Variants in ANO1 observed in about 807,000 individuals in gnomAD.
ANO1 encodes the protein anoctamin-1.
ANO1 carries 59 observed loss-of-function variants against 124.0 expected under a neutral mutation model. The ratio of observed to expected loss-of-function variants is 0.48; its 90% confidence interval spans 0.39 to 0.59. The LOEUF (loss-of-function observed/expected upper bound fraction) is 0.59. Among genes scored for constraint, ANO1 ranks in the 20% least tolerant of loss-of-function variants. The pLI, the probability that ANO1 is intolerant of heterozygous loss-of-function variation, is 0.00. For missense variants in ANO1, 1,059 were observed against 1,328.0 expected (o/e 0.80, Z 3.15); for synonymous variants, 529 against 532.0 (o/e 0.99, Z 0.08).
chr11:70,102,999 G>T, intron 2 of ANO1, 67 bp from the exon 3 acceptor site: 1 of 1,166,110 alleles, frequency 8.6e-7, no homozygotes, highest in Non-Finnish European at 1.2e-6. Context: ...GGCCTCTGAA[G>T]ATCAAGGTGG....
intron 21 of ANO1, among the ~76,000 whole-genome samples, chr11:70,169,549 G>A (rs1256550380): frequency 2.0e-5 from 3 of 151,674 alleles, no homozygotes; most frequent in Non-Finnish European, 4.4e-5. Flanking sequence ...TCGGAAGTGA[G>A]GAAGCCCACC....
chr11:70,083,711 CA>C (rs1231808200), intron 1 of ANO1, among the ~76,000 whole-genome samples: 2 of 152,306 alleles, frequency 1.3e-5, no homozygotes, highest in East Asian at 3.9e-4. Flanking sequence ...CCCTGCCAAC[CA>C]GGAGTGTTTA....
At chr11:70,021,476 T>G (rs1201167251) in intron 1 of ANO1, among the ~76,000 whole-genome samples, 3 of 130,830 alleles carry the variant, frequency 2.3e-5, no homozygotes, top group African/African-American at 7.8e-5. Flanking sequence ...TGTTGTTGTT[T>G]CTTTTTTTTT....
chr11:70,089,144 G>T lies in ANO1; in HGVS notation c.441+1060G>T, dbSNP rs556059979. Among the ~76,000 whole-genome samples, 6 of 152,266 alleles carry T rather than the reference G, an allele frequency of 3.9e-5. No homozygotes were observed. In the East Asian group the frequency reaches 1.2e-3, roughly 29 times the overall value. ...TCCTTCCATGAATATTGGGTGAAGG[G>T]CCCCAGCCTACAGAGCCATCACTGT... On this transcript the variant is annotated intron_variant, in intron 2 of 25. Transcript: ENST00000355303.
At chr11:70,026,175 T>G (rs1856903270) in intron 1 of ANO1, among the ~76,000 whole-genome samples, 1 of 151,168 alleles carries the variant, frequency 6.6e-6, no homozygotes, top group African/African-American at 2.4e-5. Context: ...ATGATGGTGG[T>G]GGTGGTGATG....
intron 22 of ANO1, among the ~76,000 whole-genome samples, chr11:70,178,285 A>T (rs2048803968): frequency 2.0e-5 from 3 of 152,214 alleles, no homozygotes; most frequent in Non-Finnish European, 4.4e-5. Context: ...GGGCTGTGCC[A>T]TCCAACCCTC....
rs1348003445 is a variant in ANO1, at chr11:70,188,854, A to AG, written c.*854dup. 2 of 146,350 alleles carry AG rather than the reference A, an allele frequency of 1.4e-5. No individual in the cohort carries two copies. The highest frequency in any genetic ancestry group is 5.1e-5 in the African/African-American group (2 of 39,470). 9.1% of individuals were successfully genotyped at this position (146,350 alleles called of 1,614,324 possible). On this transcript the variant is annotated 3_prime_UTR_variant, in exon 26 of 26. Coordinates refer to ENST00000355303, the MANE Select transcript of ANO1 (RefSeq NM_018043.7). Reference sequence around the variant, plus strand: ...GGTTTCAAGAAGTCTTAGGGCTTCCAGGGGTCCCCTGGAAGCTTTAGAATA... The same window carrying AG: ...GGTTTCAAGAAGTCTTAGGGCTTCCAGGGGGTCCCCTGGAAGCTTTAGAATA...
At chr11:70,116,255 C>T (rs1218066249) in intron 7 of ANO1, among the ~76,000 whole-genome samples, 4 of 152,182 alleles carry the variant, frequency 2.6e-5, no homozygotes, top group Non-Finnish European at 5.9e-5. Flanking sequence ...AACAGGGCGG[C>T]CAACAGGGAC....
intron 1 of ANO1, among the ~76,000 whole-genome samples, chr11:70,046,267 T>G (rs1857258378): frequency 6.6e-6 from 1 of 152,202 alleles, no homozygotes; most frequent in African/African-American, 2.4e-5. Context: ...CTCTTTTTAT[T>G]TATTCAAGCA....
intron 11 of ANO1, among the ~76,000 whole-genome samples, chr11:70,139,432 T>A (rs1167167825): frequency 6.6e-6 from 1 of 152,208 alleles, no homozygotes; most frequent in African/African-American, 2.4e-5. Context: ...CAAGCGATTC[T>A]CCTGCCTCAG....
intron 1 of ANO1, among the ~76,000 whole-genome samples, chr11:69,990,946 T>A (rs575386921): frequency 1.3e-5 from 2 of 152,346 alleles, no homozygotes; most frequent in East Asian, 3.9e-4. Flanking sequence ...TGTCCTTTGA[T>A]GTACAAAATT....
intron 1 of ANO1, among the ~76,000 whole-genome samples, chr11:70,070,900 C>T (rs1317287761): frequency 6.6e-6 from 1 of 152,216 alleles, no homozygotes; most frequent in Non-Finnish European, 1.5e-5. Context: ...CCCAGAACTG[C>T]TCGTGGAGGG....
chr11:70,039,465 C>T (rs1857147227), intron 1 of ANO1, among the ~76,000 whole-genome samples: 1 of 152,164 alleles, frequency 6.6e-6, no homozygotes, highest in Non-Finnish European at 1.5e-5. Flanking sequence ...CTCTTTATCC[C>T]TTGAAGGACT....
At chr11:70,098,243 C>T (rs2045097218) in intron 2 of ANO1, among the ~76,000 whole-genome samples, 3 of 152,206 alleles carry the variant, frequency 2.0e-5, no homozygotes, top group African/African-American at 4.8e-5. Context: ...AAGCTGCAAA[C>T]AGGGAAACGG....
At chr11:70,174,103 T>C (rs1009647705) in intron 22 of ANO1, among the ~76,000 whole-genome samples, 2 of 150,024 alleles carry the variant, frequency 1.3e-5, no homozygotes, top group African/African-American at 2.5e-5. Context: ...GCTTGGCTGA[T>C]TTTTTTGTAT....
At chr11:69,974,825 G>C in the ANO1 span, among the ~76,000 whole-genome samples, 1 of 151,474 alleles carries the variant, frequency 6.6e-6, no homozygotes, top group Non-Finnish European at 1.5e-5. Flanking sequence ...AGGATTCCTG[G>C]CTGCAAGCAA....
At chr11:69,987,433 G>A (rs1434113614) in intron 1 of ANO1, among the ~76,000 whole-genome samples, 1 of 152,134 alleles carries the variant, frequency 6.6e-6, no homozygotes, top group African/African-American at 2.4e-5. Flanking sequence ...CCATTGTGCA[G>A]ACAAAGAAAC....
intron 1 of ANO1, among the ~76,000 whole-genome samples, chr11:70,061,931 G>A (rs145572627): frequency 1.3e-4 from 20 of 152,234 alleles, no homozygotes; most frequent in Middle Eastern, 3.4e-3. Context: ...CAGGGCCTCA[G>A]TTTCCTCATC....
Position 70,158,326 on chromosome 11 carries a change from C to T in ANO1, c.1578+1305C>T, listed in dbSNP as rs184271756. Among the ~76,000 whole-genome samples, 10 of 152,336 alleles carry T rather than the reference C, an allele frequency of 6.6e-5. No homozygotes were observed. In the East Asian group the frequency reaches 1.9e-3, roughly 29 times the overall value. Reference sequence around the variant, plus strand: ...TGGTCATGTTACAAATGACCCTGCCCTCGTCCAGCCCAACAGCTTGAAGGC... The same window carrying T: ...TGGTCATGTTACAAATGACCCTGCCTTCGTCCAGCCCAACAGCTTGAAGGC... On this transcript the variant is annotated intron_variant, in intron 16 of 25. Coordinates refer to ENST00000355303, the MANE Select transcript of ANO1 (RefSeq NM_018043.7).
Sources: allele counts gnomAD v4.1 joint callset (sites outside exome capture counted in the v4.1 genomes callset), GRCh38; gene constraint gnomAD v4.1.1; transcripts MANE v1.5; gene names NCBI Gene and HGNC (gene_info 2026-07-23, HGNC 2026-07-21).